WWTR1: variants seen among roughly 807,000 people sequenced by gnomAD.
WWTR1 encodes the protein WW domain containing transcription regulator 1.
Under a neutral mutation model 40.1 loss-of-function variants are expected in WWTR1, and 13 were observed. The ratio of observed to expected loss-of-function variants is 0.32; its 90% CI spans 0.21 to 0.52. WWTR1 has a LOEUF of 0.52. Among genes scored for constraint, WWTR1 ranks in the 20% least tolerant of loss-of-function variants. WWTR1 has a pLI of 0.97. For missense variants in WWTR1, 436 were observed against 523.1 expected (o/e 0.83, Z 1.63); for synonymous variants, 230 against 210.1 (o/e 1.09, Z -0.82).
At position 149,597,467 on chromosome 3, in the gene WWTR1, GA is replaced by G. The variant is rs11376176; in HGVS notation, c.432-24468del. ...AAAAAAGAAGAAGAAGAAGAAGAAG[GA>G]AAAAAAAAAGAAAAAAAGAAAAATT... is the stretch of plus-strand genomic sequence containing the variant. On this transcript the variant is annotated intron_variant, in intron 2 of 6. Transcript: ENST00000360632. 7.6e-3 allele frequency among the ~76,000 whole-genome samples: 1,067 copies of G among 140,542 alleles called. 9 individuals carry two copies. Among genetic ancestry groups the G allele is most frequent in the African/African-American group, 0.027 (1,007 of 37,488 alleles). 92.2% of individuals were successfully genotyped at this position (140,542 alleles called of 152,430 possible).
intron 2 of WWTR1, among the ~76,000 whole-genome samples, chr3:149,583,756 G>A (rs1216973622): frequency 6.6e-6 from 1 of 152,148 alleles, no homozygotes; most frequent in East Asian, 1.9e-4. Context: ...ACATGCATAC[G>A]GTGATGAGTG....
chr3:149,689,989 G>C (rs1400722067), intron 1 of WWTR1, among the ~76,000 whole-genome samples: 1 of 152,080 alleles, frequency 6.6e-6, no homozygotes, highest in East Asian at 1.9e-4. Flanking sequence ...CGAAGTAAAA[G>C]TATAGTTTTT....
chr3:149,719,160 C>A (rs936398160), intron 4 of WWTR1, among the ~76,000 whole-genome samples: 1 of 148,868 alleles, frequency 6.7e-6, no homozygotes, highest in African/African-American at 2.5e-5. Context: ...GAATAATATT[C>A]TTTTTCTTTT....
At chr3:149,554,512 G>T (rs892672895) in intron 3 of WWTR1, among the ~76,000 whole-genome samples, 1 of 152,046 alleles carries the variant, frequency 6.6e-6, no homozygotes, top group Admixed American at 6.6e-5. Context: ...TCCTTTTTCA[G>T]GTGTAAAATA....
intron 4 of WWTR1, among the ~76,000 whole-genome samples, chr3:149,536,461 C>G (rs898688462): frequency 2.0e-5 from 3 of 149,518 alleles, no homozygotes; most frequent in African/African-American, 7.6e-5. Context: ...AATAGCTATT[C>G]TTTGCATGAC....
chr3:149,572,751 G>T, intron 3 of WWTR1, 113 bp downstream of exon 3: 1 of 1,268,880 alleles, frequency 7.9e-7, no homozygotes, highest in Non-Finnish European at 1.1e-6. Context: ...GGAGACTGAG[G>T]TGTTAGGATT....
chr3:149,659,945 G>A (rs1431873623), upstream of WWTR1: 1 of 145,610 alleles, frequency 6.9e-6, no homozygotes, highest in Non-Finnish European at 1.5e-5. Context: ...TTGAGATGGA[G>A]TCTCACTCTA....
chr3:149,662,821 C>A (rs1277759367), upstream of WWTR1, among the ~76,000 whole-genome samples: 1 of 152,150 alleles, frequency 6.6e-6, no homozygotes, highest in African/African-American at 2.4e-5. Flanking sequence ...AATAAAGTAT[C>A]TTTCTCCCAC....
intron 4 of WWTR1, among the ~76,000 whole-genome samples, chr3:149,722,304 A>G (rs1337553071): frequency 7.0e-6 from 1 of 142,870 alleles, no homozygotes; most frequent in Non-Finnish European, 1.6e-5. Context: ...AGTTTCTTTT[A>G]CTTTTTCTAG....
chr3:149,619,796 G>T (rs1421432646), intron 2 of WWTR1, among the ~76,000 whole-genome samples: 2 of 152,186 alleles, frequency 1.3e-5, no homozygotes, highest in African/African-American at 4.8e-5. Flanking sequence ...GCCCAAAAAT[G>T]TGGTGGCCCC....
intron 1 of WWTR1, among the ~76,000 whole-genome samples, chr3:149,685,548 C>G (rs1487854486): frequency 4.6e-5 from 7 of 152,314 alleles, no homozygotes; most frequent in African/African-American, 1.7e-4. Flanking sequence ...GCAACCAAAA[C>G]CTTCTTCAGG....
chr3:149,522,662 A>T (rs753381869), intron 6 of WWTR1, among the ~76,000 whole-genome samples: 1 of 152,182 alleles, frequency 6.6e-6, no homozygotes, highest in Non-Finnish European at 1.5e-5. Flanking sequence ...TCCAGTTAGA[A>T]TCATTCATTT....
chr3:149,639,115 A>G (rs894313224), intron 2 of WWTR1, among the ~76,000 whole-genome samples: 1 of 152,214 alleles, frequency 6.6e-6, no homozygotes, highest in Admixed American at 6.5e-5. Context: ...AAGATCTAGC[A>G]ATGGTCTACA....
upstream of WWTR1, among the ~76,000 whole-genome samples, chr3:149,661,603 T>C (rs534277263): frequency 1.3e-3 from 200 of 151,596 alleles, 1 homozygote; most frequent in South Asian, 8.4e-3. Flanking sequence ...TGTATTTTTT[T>C]AGTAGAGGCA....
At chr3:149,587,452 C>T (rs537613447) in intron 2 of WWTR1, among the ~76,000 whole-genome samples, 2 of 152,094 alleles carry the variant, frequency 1.3e-5, no homozygotes, top group South Asian at 2.1e-4. Flanking sequence ...AGGTGGGAAG[C>T]GCCGGCAGAT....
chr3:149,599,490 C>T (rs1023600444), intron 2 of WWTR1, among the ~76,000 whole-genome samples: 2 of 152,198 alleles, frequency 1.3e-5, no homozygotes, highest in African/African-American at 4.8e-5. Flanking sequence ...TAAGTCTTTG[C>T]GCAAGCAAAA....
intron 2 of WWTR1, among the ~76,000 whole-genome samples, chr3:149,635,614 G>A (rs1341739403): frequency 1.3e-5 from 2 of 151,820 alleles, no homozygotes; most frequent in Non-Finnish European, 2.9e-5. Context: ...GGAAGAGGGA[G>A]GAGGAGGAAG....
At chr3:149,555,196 CG>C (rs1560057804) in intron 3 of WWTR1, among the ~76,000 whole-genome samples, 2 of 152,162 alleles carry the variant, frequency 1.3e-5, no homozygotes, top group African/African-American at 4.8e-5. Flanking sequence ...AAGTTGCCAG[CG>C]TGAGTTGCTA....
intron 2 of WWTR1, among the ~76,000 whole-genome samples, chr3:149,613,434 AG>A (rs1208318184): frequency 1.3e-5 from 2 of 152,228 alleles, no homozygotes; most frequent in Admixed American, 6.5e-5. Flanking sequence ...GAAGGGTAAA[AG>A]CTTGCTGGTT....
Sources: gnomAD v4.1 joint callset for allele counts (sites outside exome capture counted in the v4.1 genomes callset) on GRCh38, gnomAD v4.1.1 for gene constraint, MANE v1.5 for transcripts, NCBI Gene and HGNC (gene_info 2026-07-23, HGNC 2026-07-21) for gene names.